Variants in DSG4 observed in about 807,000 individuals in gnomAD.
The protein encoded by DSG4 is desmoglein-4.
A neutral mutation model predicts 93.1 loss-of-function variants in DSG4; 87 were observed. That is an observed-to-expected ratio of 0.93 (90% CI 0.79 to 1.12). The LOEUF (loss-of-function observed/expected upper bound fraction) is 1.12, where lower values mean the gene tolerates loss of function less well. DSG4 is among the 50% of genes most tolerant of loss of function. DSG4 has a pLI of 0.00. For synonymous variants in DSG4, 432 were observed against 452.9 expected, an observed-to-expected ratio of 0.95 and a Z score of 0.59; for missense variants, 1,373 against 1,285.7, an observed-to-expected ratio of 1.07 and a Z score of -1.04.
At chr18:31,391,007 A>G in intron 6 of DSG4, 71 bp from the exon 7 acceptor site, 1 of 1,589,948 alleles carries the variant, frequency 6.3e-7, no homozygotes, top group East Asian at 2.3e-5. Context: ...TAGAGAAATA[A>G]TGGCATTGAA....
At chr18:31,406,432 G>A (rs2072428228) in intron 12 of DSG4, 59 bp downstream of exon 12, 1 of 1,604,300 alleles carries the variant, frequency 6.2e-7, no homozygotes, top group Admixed American at 1.7e-5. Context: ...CTGTTACGAG[G>A]CTCGCTGGGA....
At chr18:31,401,812 T>A (rs1000567146) in intron 10 of DSG4, 1 of 152,190 alleles carries the variant, frequency 6.6e-6, no homozygotes, top group Non-Finnish European at 1.5e-5. Flanking sequence ...AGGTTTGCAT[T>A]GAGTTTATAG....
At position 31,400,999 on chromosome 18, in the gene DSG4, G is replaced by T; in HGVS notation, c.1396G>T (p.Ala466Ser). The change falls in exon 10 of 16, where the codon GCA (alanine) becomes TCA (serine). Residue 466 changes from alanine (A) to serine (S), a missense_variant. Physicochemically the swap from Ala to Ser is moderately conservative, Grantham distance 99. Transcript: ENST00000308128. ...SKYIINGIYT[A>S]EILAIDDGSG... ...ATATATTATCAATGGGATATACACAGCAGAGATCCTGGCTATAGATGGTAA... is the reference window on the plus strand; with the variant it reads ...ATATATTATCAATGGGATATACACATCAGAGATCCTGGCTATAGATGGTAA... 6.2e-7 allele frequency: 1 copy of T among 1,605,334 alleles called. No individual in the cohort carries two copies.
intron 6 of DSG4, 49 bp downstream of exon 6, chr18:31,390,871 A>G: frequency 6.3e-7 from 1 of 1,588,414 alleles, no homozygotes. Context: ...AATTTTGAAA[A>G]GACAAAGATA....
chr18:31,396,139 A>G (rs546936273), intron 8 of DSG4, among the ~76,000 whole-genome samples: 4 of 152,198 alleles, frequency 2.6e-5, no homozygotes, highest in African/African-American at 7.2e-5. Flanking sequence ...GTATATATAT[A>G]TACATATTTG....
chr18:31,391,135 G>A lies in DSG4; in HGVS notation c.742G>A (p.Gly248Arg). 1 of 1,613,746 alleles carries A rather than the reference G, an allele frequency of 6.2e-7. No individual in the cohort carries two copies. The highest frequency in any genetic ancestry group is 8.5e-7 in the Non-Finnish European group (1 of 1,179,782). The change falls in exon 7 of 16, where the codon GGA (glycine) becomes AGA (arginine). Residue 248 changes from glycine to arginine, a missense_variant. Gly to Arg is a moderately radical substitution (Grantham distance 125). Transcript: ENST00000308128. ...CTCAGATCGGGATGGAGCTGCAGATGGACTGTCTTCTGAGTGTGACTGTAG... is the reference window on the plus strand; with the variant it reads ...CTCAGATCGGGATGGAGCTGCAGATAGACTGTCTTCTGAGTGTGACTGTAG... ...RGSDRDGAAD[G>R]LSSECDCRIK...
chr18:31,394,651 T>C (rs1380700874), intron 8 of DSG4, among the ~76,000 whole-genome samples: 1 of 146,382 alleles, frequency 6.8e-6, no homozygotes, highest in Non-Finnish European at 1.5e-5. Context: ...GTACTAAGCA[T>C]CTGATCTAAG....
rs2072388913 is a variant in DSG4, at chr18:31,403,316, A to G, written c.1418-100A>G. ...ACCTGTCAAGCCTCCCAAGTCACGT[A>G]TATGTTTCCTACAAGTTCCATGGCA... On this transcript the variant is annotated intron_variant, in intron 10 of 15. Coordinates refer to ENST00000308128, the MANE Select transcript of DSG4 (RefSeq NM_177986.5). 7 of 1,006,198 alleles carry G rather than the reference A, an allele frequency of 7.0e-6. No homozygotes were observed. The East Asian group carries it at 7.8e-5, about 11-fold the overall frequency. 62.3% of individuals were successfully genotyped at this position (1,006,198 alleles called of 1,614,324 possible).
At chr18:31,378,077 G>A (rs1053343066) in intron 1 of DSG4, among the ~76,000 whole-genome samples, 10 of 152,194 alleles carry the variant, frequency 6.6e-5, no homozygotes, top group African/African-American at 2.4e-4. Flanking sequence ...GCCGAACACT[G>A]CCAAAGGGCA....
In DSG4 at chr18:31,413,675, C is replaced by A; in HGVS notation, c.*80C>A. On this transcript the variant is annotated 3_prime_UTR_variant, in exon 16 of 16. Transcript: ENST00000308128. ...CATCCACCAAAAATATATAATGTAC[C>A]ATATATATTAATAGTCAACAAATAC... 6 of 1,470,250 alleles carry A rather than the reference C, an allele frequency of 4.1e-6. No homozygotes were observed. The highest frequency in any genetic ancestry group is 5.6e-6 in the Non-Finnish European group (6 of 1,064,570). 91.1% of individuals were successfully genotyped at this position (1,470,250 alleles called of 1,614,324 possible). A position where few individuals can be genotyped will look rare whatever the true frequency, so the allele number is the denominator to read the frequency against.
chr18:31,381,887 T>C (rs1050141954), intron 1 of DSG4, among the ~76,000 whole-genome samples: 1 of 151,062 alleles, frequency 6.6e-6, no homozygotes, highest in African/African-American at 2.4e-5. Flanking sequence ...GCTAGGCTGG[T>C]CTCAAACTCC....
intron 12 of DSG4, among the ~76,000 whole-genome samples, chr18:31,407,926 C>T (rs2072445436): frequency 6.6e-6 from 1 of 152,146 alleles, no homozygotes; most frequent in Non-Finnish European, 1.5e-5. Context: ...ATGTTCAAGC[C>T]CTTTGGTGAG....
Position 31,388,381 on chromosome 18 carries a change from C to A in DSG4, c.231C>A (p.Cys77Ter), listed in dbSNP as rs200935383. Residue 77 changes from cysteine (C) to a stop codon, truncating the protein, a stop_gained, in exon 4 of 16, where the codon TGC (cysteine) becomes TGA (stop). Coordinates refer to ENST00000308128, the MANE Select transcript of DSG4 (RefSeq NM_177986.5). LOFTEE classifies it high-confidence loss of function. ...TTTTCTTATAGATTCGATCAGACTG[C>A]GAATCGAACCAGAAGATAACATACC... is the stretch of plus-strand genomic sequence containing the variant. ...RNPIAKIRSD[C>*]ESNQKITYRI... 3.1e-6 allele frequency: 5 copies of A among 1,613,082 alleles called. No homozygotes were observed. Among genetic ancestry groups the A allele is most frequent in the Non-Finnish European group, 4.2e-6 (5 of 1,179,406 alleles).
rs2072237677 is a variant in DSG4, at chr18:31,390,676, T to C, written c.538T>C (p.Cys180Arg). ...SDANTLVVKL[C>R]ATDADEENHL... ...TCTAGATACATTGGTAGTAAAGTTA[T>C]GTGCCACAGATGCAGATGAAGAAAA... Residue 180 changes from cysteine to arginine, a missense_variant, in exon 6 of 16, where the codon TGT becomes CGT. Cys to Arg is a radical substitution (Grantham distance 180, BLOSUM62 -3). Transcript: ENST00000308128. The C allele has an allele frequency of 1.2e-6, 2 of 1,613,530 alleles. No individual in the cohort carries two copies. The highest frequency in any genetic ancestry group is 8.5e-7 in the Non-Finnish European group (1 of 1,179,658).
In DSG4 at chr18:31,388,854, T is replaced by A; in HGVS notation, c.373-20T>A. Reference sequence around the variant, plus strand: ...AATTCCTTTGGTGGAAAAAGATGGCTTTTTTCCAATTTTCCACAGATCTAT... The same window carrying A: ...AATTCCTTTGGTGGAAAAAGATGGCATTTTTCCAATTTTCCACAGATCTAT... On this transcript the variant is annotated intron_variant, in intron 4 of 15. Coordinates refer to ENST00000308128, the MANE Select transcript of DSG4 (RefSeq NM_177986.5). 1 of 1,613,314 alleles carries A rather than the reference T, an allele frequency of 6.2e-7. No homozygotes were observed. The highest frequency in any genetic ancestry group is 8.5e-7 in the Non-Finnish European group (1 of 1,179,448).
At chr18:31,391,667 AAAAAAAAC>A (rs2072250844) in intron 7 of DSG4, among the ~76,000 whole-genome samples, 2 of 151,866 alleles carry the variant, frequency 1.3e-5, no homozygotes, top group Non-Finnish European at 1.5e-5. Flanking sequence ...TCGGTTTAAA[AAAAAAAAC>A]AAAAAAACAA....
chr18:31,410,028 A>G lies in DSG4; in HGVS notation c.2137+220A>G, dbSNP rs930396835. Among the ~76,000 whole-genome samples, 18 of 152,222 alleles carry G rather than the reference A, an allele frequency of 1.2e-4. 1 individual carries two copies. Among genetic ancestry groups the G allele is most frequent in the African/African-American group, 4.1e-4 (17 of 41,450 alleles). On this transcript the variant is annotated intron_variant, in intron 14 of 15. Transcript: ENST00000308128. ...AGCAGTTAAAAGAGCAAACTCTGGA[A>G]GCAGAATGCTTGGGTTTGATTCCCA...
At chr18:31,393,890 C>G (rs2072276530) in intron 8 of DSG4, among the ~76,000 whole-genome samples, 1 of 151,932 alleles carries the variant, frequency 6.6e-6, no homozygotes. Context: ...AGCTGGCCAC[C>G]AAAATTATGA....
chr18:31,410,418 TAC>T lies in DSG4; in HGVS notation c.2137+620_2137+621del, dbSNP rs755594038. On this transcript the variant is annotated intron_variant, in intron 14 of 15. Transcript: ENST00000308128. ...ACATGTGTATGTGTGTCTATATATA[TAC>T]ACACACACATATATAAGTGTGTATA... Among the ~76,000 whole-genome samples the T allele has an allele frequency of 6.6e-5, 10 of 151,640 alleles. No individual in the cohort carries two copies. The South Asian group carries it at 8.3e-4, about 13-fold the overall frequency.
Sources: allele counts gnomAD v4.1 joint callset (sites outside exome capture counted in the v4.1 genomes callset), GRCh38; gene constraint gnomAD v4.1.1; transcripts MANE v1.5; gene names NCBI Gene and HGNC (gene_info 2026-07-23, HGNC 2026-07-21).